Variants in ARHGAP32 observed in about 807,000 individuals in gnomAD.
The protein encoded by ARHGAP32 is Rho GTPase activating protein 32, also known as rho GTPase-activating protein 32.
ARHGAP32 carries 51 observed loss-of-function variants against 186.5 expected under a neutral mutation model. The observed-to-expected ratio is 0.27, with a 90% CI of 0.22 to 0.35. The LOEUF is 0.35. Among genes scored for constraint, ARHGAP32 ranks in the 10% least tolerant of loss-of-function variants. The pLI, the probability that ARHGAP32 is intolerant of heterozygous loss-of-function variation, is 1.00. For missense variants in ARHGAP32, 2,186 were observed against 2,623.5 expected, an observed-to-expected ratio of 0.83 and a Z score of 3.64; for synonymous variants, 950 against 964.3, an observed-to-expected ratio of 0.99 and a Z score of 0.27.
In ARHGAP32 at chr11:129,009,724, T is replaced by G. The variant is rs558713822; in HGVS notation, c.1046-11256A>C. ...ATGTATATGTATCCCTTTTTTTTAA[T>G]CTAGTCTATCACTGATGAGCATTTG... On this transcript the variant is annotated intron_variant, in intron 11 of 22. Coordinates refer to ENST00000682385, the MANE Select transcript of ARHGAP32 (RefSeq NM_001378024.1). Among the ~76,000 whole-genome samples, 6 of 152,346 alleles carry G rather than the reference T, an allele frequency of 3.9e-5. 1 individual carries two copies. The South Asian group carries it at 1.2e-3, about 32-fold the overall frequency.
intron 15 of ARHGAP32, among the ~76,000 whole-genome samples, chr11:128,982,480 TG>T: frequency 6.6e-6 from 1 of 150,630 alleles, no homozygotes; most frequent in East Asian, 1.9e-4. Context: ...GTGCCGTGTG[TG>T]TGTGTGTGTG....
chr11:128,985,310 G>A (rs1317604250), intron 15 of ARHGAP32, among the ~76,000 whole-genome samples: 4 of 151,888 alleles, frequency 2.6e-5, no homozygotes, highest in African/African-American at 7.3e-5. Flanking sequence ...AAGCCATGGC[G>A]CCTGGCCTAT....
rs563854217 is a variant in ARHGAP32, at chr11:129,013,479, G to A, written c.1046-15011C>T. 3.9e-5 allele frequency among the ~76,000 whole-genome samples: 6 copies of A among 152,282 alleles called. No homozygotes were observed. In the South Asian group the frequency reaches 1.0e-3, roughly 26 times the overall value. ...GTGATTCCAAAAGCCTTCAAAGGAA[G>A]ATTAAACTATGTTCTGCATAGTTTC... On this transcript the variant is annotated intron_variant, in intron 11 of 22. Coordinates refer to ENST00000682385, the MANE Select transcript of ARHGAP32 (RefSeq NM_001378024.1).
intron 2 of ARHGAP32, among the ~76,000 whole-genome samples, chr11:129,153,356 T>C (rs967568675): frequency 3.9e-5 from 6 of 152,032 alleles, no homozygotes; most frequent in African/African-American, 1.4e-4. Flanking sequence ...AATACCAGCA[T>C]CATTCTTCAC....
intron 5 of ARHGAP32, among the ~76,000 whole-genome samples, chr11:129,117,683 T>A (rs533493501): frequency 8.5e-4 from 130 of 152,120 alleles, no homozygotes; most frequent in African/African-American, 3.0e-3. Flanking sequence ...ATGTTTTGTA[T>A]GAAATTGGAT....
At chr11:129,166,863 T>C (rs1263372016) in intron 1 of ARHGAP32, among the ~76,000 whole-genome samples, 1 of 152,110 alleles carries the variant, frequency 6.6e-6, no homozygotes, top group Non-Finnish European at 1.5e-5. Context: ...TAACGTCTTA[T>C]GAAGTTAACA....
intron 1 of ARHGAP32, among the ~76,000 whole-genome samples, chr11:129,173,904 A>C (rs1481534805): frequency 6.6e-6 from 1 of 152,232 alleles, no homozygotes; most frequent in African/African-American, 2.4e-5. Flanking sequence ...AAAAAAAGCA[A>C]GAAAAAATGT....
chr11:129,062,866 T>C (rs1255056428), intron 9 of ARHGAP32, among the ~76,000 whole-genome samples: 2 of 133,990 alleles, frequency 1.5e-5, no homozygotes, highest in Admixed American at 1.4e-4. Flanking sequence ...TGGGTTATTC[T>C]TAGTAAGTAT....
chr11:129,206,313 G>C (rs753789913), intron 1 of ARHGAP32, among the ~76,000 whole-genome samples: 1 of 152,056 alleles, frequency 6.6e-6, no homozygotes, highest in Non-Finnish European at 1.5e-5. Flanking sequence ...GTGGGCTTAA[G>C]GGATCCTTCT....
At chr11:128,995,444 C>T (rs758564851) in intron 12 of ARHGAP32, among the ~76,000 whole-genome samples, 7 of 152,164 alleles carry the variant, frequency 4.6e-5, no homozygotes, top group Non-Finnish European at 7.4e-5. Flanking sequence ...TCCTGGCCTC[C>T]AGCGATCCTC....
Position 129,179,695 on chromosome 11 carries a change from C to T in ARHGAP32, c.116+12388G>A, listed in dbSNP as rs193272522. ...CATTCTCAGTAAACTATCTCAAGAACAAAAAACCAAACACCGCACATTCTC... is the reference window on the plus strand; with the variant it reads ...CATTCTCAGTAAACTATCTCAAGAATAAAAAACCAAACACCGCACATTCTC... On this transcript the variant is annotated intron_variant, in intron 1 of 22. Transcript: ENST00000682385. Among the ~76,000 whole-genome samples the T allele has an allele frequency of 5.8e-3, 873 of 150,162 alleles. 14 individuals are homozygous for T. The highest frequency in any genetic ancestry group is 5.6e-3 in the Non-Finnish European group (380 of 67,768).
chr11:129,269,716 C>G (rs893431830), intron 1 of ARHGAP32, among the ~76,000 whole-genome samples: 1 of 151,854 alleles, frequency 6.6e-6, no homozygotes, highest in African/African-American at 2.4e-5. Context: ...AACCCTGTCT[C>G]TAAAAAAAAT....
intron 11 of ARHGAP32, among the ~76,000 whole-genome samples, chr11:129,013,744 G>C (rs1313472505): frequency 6.6e-6 from 1 of 152,002 alleles, no homozygotes; most frequent in Non-Finnish European, 1.5e-5. Flanking sequence ...CCATTTCTTA[G>C]ACATTAAAGT....
At chr11:129,080,250 G>A (rs1255583399) in intron 6 of ARHGAP32, among the ~76,000 whole-genome samples, 3 of 152,026 alleles carry the variant, frequency 2.0e-5, no homozygotes, top group African/African-American at 7.2e-5. Flanking sequence ...AGAACAAATG[G>A]ACTTAACAGA....
chr11:129,254,320 T>C (rs746238695), intron 1 of ARHGAP32, among the ~76,000 whole-genome samples: 5 of 152,104 alleles, frequency 3.3e-5, no homozygotes, highest in Admixed American at 6.6e-5. Context: ...ATGTATCATA[T>C]TTGATGACAT....
chr11:129,078,748 C>T (rs1941127643), intron 6 of ARHGAP32, among the ~76,000 whole-genome samples: 1 of 152,188 alleles, frequency 6.6e-6, no homozygotes, highest in Admixed American at 6.5e-5. Flanking sequence ...CCACCTCAGC[C>T]TCCCAAACTG....
At chr11:129,121,391 A>G (rs1942524774) in intron 5 of ARHGAP32, among the ~76,000 whole-genome samples, 1 of 152,116 alleles carries the variant, frequency 6.6e-6, no homozygotes, top group African/African-American at 2.4e-5. Context: ...CCAGAAGCAG[A>G]AGGCAAGCAA....
intron 2 of ARHGAP32, among the ~76,000 whole-genome samples, chr11:129,135,190 G>A (rs933538752): frequency 3.9e-5 from 6 of 152,166 alleles, no homozygotes. Flanking sequence ...TTCTAAAAAT[G>A]TATATAGAAA....
intron 11 of ARHGAP32, among the ~76,000 whole-genome samples, chr11:129,021,470 G>T (rs1190962720): frequency 6.6e-6 from 1 of 151,984 alleles, no homozygotes; most frequent in Non-Finnish European, 1.5e-5. Context: ...CTTCCTAGAG[G>T]AGTACACAAA....
Sources: allele counts gnomAD v4.1 joint callset (sites outside exome capture counted in the v4.1 genomes callset), GRCh38; gene constraint gnomAD v4.1.1; transcripts MANE v1.5; gene names NCBI Gene and HGNC (gene_info 2026-07-23, HGNC 2026-07-21).